The following CHRNA4 variants were observed in gnomAD, a reference collection of about 807,000 sequenced individuals.
The protein encoded by CHRNA4 is cholinergic receptor nicotinic alpha 4 subunit, also known as neuronal acetylcholine receptor subunit alpha-4.
A neutral mutation model predicts 48.9 loss-of-function variants in CHRNA4; 28 were observed. The ratio of observed to expected loss-of-function variants is 0.57; its 90% CI spans 0.42 to 0.79. The LOEUF (loss-of-function observed/expected upper bound fraction) is 0.79, where lower values mean the gene tolerates loss of function less well. Ranked by LOEUF, CHRNA4 falls within the 30% of genes least tolerant of loss-of-function variation. The pLI, the probability that CHRNA4 is intolerant of heterozygous loss-of-function variation, is 0.00. For missense variants in CHRNA4, 859 were observed against 898.4 expected, an observed-to-expected ratio of 0.96 and a Z score of 0.56; for synonymous variants, 425 against 402.3, an observed-to-expected ratio of 1.06 and a Z score of -0.68.
At chr20:63,354,513 G>T in intron 4 of CHRNA4, 1 of 917,632 alleles carries the variant, frequency 1.1e-6, no homozygotes, top group Non-Finnish European at 1.3e-6. Flanking sequence ...AGGAACTGTG[G>T]TCCTGGGGGA....
Position 63,350,958 on chromosome 20 carries a change from C to T in CHRNA4, c.453G>A (p.Trp151Ter). The part of the protein sequence containing the change: ...AHLFHDGRVQ[W>*]TPPAIYKSSC... ...AGCTCTTGTAAATGGCCGGGGGAGT[C>T]CACTGCACCCGCCCGTCATGGAACA... Residue 151 changes from tryptophan to a stop codon, truncating the protein, a stop_gained, in exon 5 of 6, where the codon TGG becomes TGA. Transcript: ENST00000370263. LOFTEE classifies it high-confidence loss of function. 3 of 1,613,794 alleles carry T rather than the reference C, an allele frequency of 1.9e-6. No homozygotes were observed. The highest frequency in any genetic ancestry group is 2.5e-6 in the Non-Finnish European group (3 of 1,180,016).
At chr20:63,348,530 G>A (rs984005724) in intron 5 of CHRNA4, among the ~76,000 whole-genome samples, 13 of 152,174 alleles carry the variant, frequency 8.5e-5, no homozygotes, top group Non-Finnish European at 1.9e-4. Flanking sequence ...CACCAGATGC[G>A]TCCGAATAAA....
At chr20:63,360,955 G>A (rs1057335166) in intron 1 of CHRNA4, 135 bp downstream of exon 1, 65 of 696,362 alleles carry the variant, frequency 9.3e-5, no homozygotes, top group Non-Finnish European at 1.3e-4. Context: ...TGGGGATGGG[G>A]AGCCTCGCGG....
In CHRNA4 at chr20:63,360,905, T is replaced by C. The variant is rs1267694059; in HGVS notation, c.76+185A>G. 1.1e-5 allele frequency: 5 copies of C among 463,680 alleles called. No homozygotes were observed. The Admixed American group carries it at 2.2e-4, about 21-fold the overall frequency. The allele number at this position is 463,680 out of a possible 1,614,324, so 28.7% of individuals were successfully genotyped here. A position where few individuals can be genotyped will look rare whatever the true frequency, so the allele number is the denominator to read the frequency against. Reference sequence around the variant, plus strand: ...CATTCGCCGGCGGTCAACTCCCTCCTCGCCTGGCTCAGCCCGGGTGCGAGC... The same window carrying C: ...CATTCGCCGGCGGTCAACTCCCTCCCCGCCTGGCTCAGCCCGGGTGCGAGC... On this transcript the variant is annotated intron_variant, in intron 1 of 5. Coordinates refer to ENST00000370263, the MANE Select transcript of CHRNA4 (RefSeq NM_000744.7).
At position 63,345,375 on chromosome 20, in the gene CHRNA4, C is replaced by T. The variant is rs368386477; in HGVS notation, c.*1363G>A. On this transcript the variant is annotated 3_prime_UTR_variant, in exon 6 of 6. Transcript: ENST00000370263. The surrounding 1 kb of genome is among the most constrained non-coding windows in gnomAD (Gnocchi z 5.4). ...GGCAGGGGACACGCCATCCTGGCCC[C>T]GCCCCTCTGGGCCCTTGGAATCATG... 9 of 435,348 alleles carry T rather than the reference C, an allele frequency of 2.1e-5. No individual in the cohort carries two copies. Among genetic ancestry groups the T allele is most frequent in the Non-Finnish European group, 3.3e-5 (7 of 214,558 alleles). 27.0% of individuals were successfully genotyped at this position (435,348 alleles called of 1,614,324 possible).
At chr20:63,354,060 A>G (rs2068675377) in intron 4 of CHRNA4, among the ~76,000 whole-genome samples, 1 of 120,572 alleles carries the variant, frequency 8.3e-6, no homozygotes, top group Non-Finnish European at 1.7e-5. Context: ...TCAGGCAAGA[A>G]CTGTGATCCT....
chr20:63,346,586 C>A lies in CHRNA4; in HGVS notation c.*152G>T. On this transcript the variant is annotated 3_prime_UTR_variant, in exon 6 of 6. Coordinates refer to ENST00000370263, the MANE Select transcript of CHRNA4 (RefSeq NM_000744.7). ...CCAGAGGCCGTGTCCCCGTCCAAGGCCGTCTTACAGCAGACACAGAACAGG... is the reference window on the plus strand; with the variant it reads ...CCAGAGGCCGTGTCCCCGTCCAAGGACGTCTTACAGCAGACACAGAACAGG... 8.9e-7 allele frequency: 1 copy of A among 1,117,894 alleles called. No individual in the cohort carries two copies. The highest frequency in any genetic ancestry group is 1.3e-5 in the South Asian group (1 of 75,076). The allele number at this position is 1,117,894 out of a possible 1,614,324, so 69.2% of individuals were successfully genotyped here. A position where few individuals can be genotyped will look rare whatever the true frequency, so the allele number is the denominator to read the frequency against.
rs747762347 is a variant in CHRNA4 at position 63,350,610 on chromosome 20, C to T, written c.801G>A (p.Leu267=). The change falls in exon 5 of 6, where the codon CTG becomes CTA. Residue 267 remains leucine, a synonymous_variant. Transcript: ENST00000370263. ...TGATCTTCTCGCCACACTCGGAGGG[C>T]AGGTAGAAGACCAGCACGGTGAGGC... The part of the protein sequence containing the change: ...ISCLTVLVFY[L]PSECGEKITL... The T allele has an allele frequency of 6.2e-7, 1 of 1,613,834 alleles. No homozygotes were observed. Among genetic ancestry groups the T allele is most frequent in the Admixed American group, 1.7e-5 (1 of 59,996 alleles).
At chr20:63,353,535 AGG>A (rs1458793825) in intron 4 of CHRNA4, among the ~76,000 whole-genome samples, 1 of 16,792 alleles carries the variant, frequency 6.0e-5, no homozygotes, top group Non-Finnish European at 1.1e-4. Context: ...GTGGTCCTAG[AGG>A]GGGCCATGGT....
intron 5 of CHRNA4, 63 bp from the exon 6 acceptor site, chr20:63,346,926 G>A: frequency 1.2e-6 from 2 of 1,606,796 alleles, no homozygotes; most frequent in Non-Finnish European, 1.7e-6. Context: ...ACAGCCCTCA[G>A]GACCCCGGCG....
rs1476372517 is a variant in CHRNA4, at chr20:63,344,879, G to T, written c.*1859C>A. ...GGCAGGTCAGAGCTCAGCAGATGGG[G>T]TCCTGAATACACGGGGGATGTGGGA... On this transcript the variant is annotated 3_prime_UTR_variant, in exon 6 of 6. Coordinates refer to ENST00000370263, the MANE Select transcript of CHRNA4 (RefSeq NM_000744.7). This position sits in a 1 kb window ranked among gnomAD's most constrained non-coding sequence, Gnocchi z 4.5. 2.4e-6 allele frequency: 1 copy of T among 417,456 alleles called. No individual in the cohort carries two copies. Among genetic ancestry groups the T allele is most frequent in the African/African-American group, 2.0e-5 (1 of 49,380 alleles). 25.9% of individuals were successfully genotyped at this position (417,456 alleles called of 1,614,324 possible).
chr20:63,345,398 A>G lies in CHRNA4; in HGVS notation c.*1340T>C, dbSNP rs1034720143. On this transcript the variant is annotated 3_prime_UTR_variant, in exon 6 of 6. Coordinates refer to ENST00000370263, the MANE Select transcript of CHRNA4 (RefSeq NM_000744.7). This position sits in a 1 kb window ranked among gnomAD's most constrained non-coding sequence, Gnocchi z 5.4. ...CCCGCCCCTCTGGGCCCTTGGAATC[A>G]TGGAGGGGTGGGGCAGCCTGTGCCC... 7.2e-6 allele frequency: 3 copies of G among 414,868 alleles called. No individual in the cohort carries two copies. The highest frequency in any genetic ancestry group is 6.1e-5 in the African/African-American group (3 of 49,264). The allele number at this position is 414,868 out of a possible 1,614,324, so 25.7% of individuals were successfully genotyped here. A position where few individuals can be genotyped will look rare whatever the true frequency, so the allele number is the denominator to read the frequency against.
chr20:63,359,869 C>CGCCGGGCGTGCGCTGTGTGTG, intron 1 of CHRNA4, 170 bp from the exon 2 acceptor site: 2 of 444,098 alleles, frequency 4.5e-6, no homozygotes, highest in African/African-American at 6.7e-5. Context: ...GGCGTGCGCT[C>CGCCGGGCGTGCGCTGTGTGTG]TGTGTGTGTG....
intron 2 of CHRNA4, 65 bp downstream of exon 2, chr20:63,359,483 C>T: frequency 1.9e-6 from 3 of 1,604,092 alleles, no homozygotes; most frequent in Non-Finnish European, 2.6e-6. Flanking sequence ...TCTGCCCACC[C>T]AGACCCCTGT....
intron 1 of CHRNA4, 39 bp downstream of exon 1, chr20:63,361,051 G>C: frequency 7.2e-7 from 1 of 1,393,820 alleles, no homozygotes; most frequent in Non-Finnish European, 9.4e-7. Context: ...CCATCCGAAC[G>C]CGGGCGAAAG....
Position 63,350,816 on chromosome 20 carries a change from C to G in CHRNA4, c.595G>C (p.Asp199His). The change falls in exon 5 of 6, where the codon GAC becomes CAC. Residue 199 changes from aspartate to histidine, a missense_variant. Asp to His is a moderately conservative substitution (Grantham distance 81). Coordinates refer to ENST00000370263, the MANE Select transcript of CHRNA4 (RefSeq NM_000744.7). The stretch of plus-strand genomic sequence containing the variant: ...CCACTCTCCCAGAAGTCCAGCTGGT[C>G]CACGCGGCTGTGCATGTTCACCAGG... ...IDLVNMHSRV[D>H]QLDFWESGEW... 1 of 1,613,934 alleles carries G rather than the reference C, an allele frequency of 6.2e-7. No homozygotes were observed.
At position 63,343,245 on chromosome 20, in the gene CHRNA4, T is replaced by G. The variant is rs1200474223; in HGVS notation, c.*3493A>C. 2.5e-6 allele frequency: 1 copy of G among 407,894 alleles called. No homozygotes were observed. The highest frequency in any genetic ancestry group is 5.0e-6 in the Non-Finnish European group (1 of 200,682). The allele number at this position is 407,894 out of a possible 1,614,324, so 25.3% of individuals were successfully genotyped here. On this transcript the variant is annotated 3_prime_UTR_variant, in exon 6 of 6. Transcript: ENST00000370263. The stretch of plus-strand genomic sequence containing the variant: ...ACGTGGTGACGGTGCGTTTTATTCA[T>G]TGAAGTCTGTGCACACACTGGGAGC...
chr20:63,350,059 G>C lies in CHRNA4; in HGVS notation c.1352C>G (p.Pro451Arg). The C allele has an allele frequency of 6.6e-7, 1 of 1,512,456 alleles. No homozygotes were observed. Among genetic ancestry groups the C allele is most frequent in the Non-Finnish European group, 8.9e-7 (1 of 1,128,954 alleles). The allele number at this position is 1,512,456 out of a possible 1,614,324, so 93.7% of individuals were successfully genotyped here. Residue 451 changes from proline to arginine, a missense_variant, in exon 5 of 6, where the codon CCG becomes CGG. Physicochemically the swap from Pro to Arg is moderately radical, Grantham distance 103. Transcript: ENST00000370263. ...CCCTGGTGCCTGGGTGCCGTGGGGC[G>C]GGCGGCAGGGTCCAGGCGAGGGGTG... The part of the protein sequence containing the change: ...SPHPSPGPCR[P>R]PHGTQAPGLA...
At chr20:63,359,455 G>A (rs1183401276) in intron 2 of CHRNA4, 93 bp downstream of exon 2, 1 of 1,519,360 alleles carries the variant, frequency 6.6e-7, no homozygotes, top group South Asian at 1.1e-5. Flanking sequence ...CACGGGGAGT[G>A]TTGATGGCTG....
Sources: allele counts gnomAD v4.1 joint callset (sites outside exome capture counted in the v4.1 genomes callset), GRCh38; gene constraint gnomAD v4.1.1; non-coding constraint Gnocchi (gnomAD v3.1); transcripts MANE v1.5; gene names NCBI Gene and HGNC (gene_info 2026-07-23, HGNC 2026-07-21).